Variants in WWOX observed in about 807,000 individuals in gnomAD.
The protein encoded by WWOX is WW domain containing oxidoreductase.
A neutral mutation model predicts 46.2 loss-of-function variants in WWOX; 69 were observed. That is an observed-to-expected ratio of 1.49 (90% CI 1.23 to 1.82). WWOX has a LOEUF of 1.82. Among genes scored for constraint, WWOX ranks in the 40% most tolerant of loss-of-function variants. The probability of loss-of-function intolerance (pLI) is 0.00; values close to 1 mark genes in which losing one functional copy is unlikely to be tolerated. For synonymous variants in WWOX, 359 were observed against 202.6 expected, an observed-to-expected ratio of 1.77 and a Z score of -6.56; for missense variants, 919 against 542.6, an observed-to-expected ratio of 1.69 and a Z score of -6.89.
At chr16:78,901,006 C>T (rs538010403) in intron 8 of WWOX, among the ~76,000 whole-genome samples, 1 of 152,282 alleles carries the variant, frequency 6.6e-6, no homozygotes, top group East Asian at 1.9e-4. Context: ...TTTGAAGTTT[C>T]CAAGAACATG....
intron 5 of WWOX, among the ~76,000 whole-genome samples, chr16:78,372,430 T>C (rs1160250454): frequency 2.0e-5 from 3 of 152,170 alleles, no homozygotes; most frequent in African/African-American, 7.2e-5. Context: ...ATCTCCATTT[T>C]CAAAAGAAAA....
At chr16:78,958,597 C>G (rs1041732754) in intron 8 of WWOX, among the ~76,000 whole-genome samples, 1 of 152,222 alleles carries the variant, frequency 6.6e-6, no homozygotes, top group Non-Finnish European at 1.5e-5. Context: ...AGTGCTGCCC[C>G]TCTCTCCCAC....
chr16:79,056,057 T>C (rs1429109938), intron 8 of WWOX, among the ~76,000 whole-genome samples: 3 of 151,954 alleles, frequency 2.0e-5, no homozygotes. Context: ...AATTACTAAT[T>C]TGAATAGCTT....
chr16:78,865,096 T>C (rs1289560574), intron 8 of WWOX, among the ~76,000 whole-genome samples: 1 of 152,172 alleles, frequency 6.6e-6, no homozygotes, highest in Non-Finnish European at 1.5e-5. Context: ...AGTGCTTTAA[T>C]ATGTTAAACA....
Position 78,739,217 on chromosome 16 carries a change from C to T in WWOX, c.1056+306465C>T, listed in dbSNP as rs560199880. 7.0e-4 allele frequency among the ~76,000 whole-genome samples: 107 copies of T among 152,212 alleles called. 1 individual carries two copies. The highest frequency in any genetic ancestry group is 2.2e-3 in the African/African-American group (93 of 41,548). ...AAGTACCCGGCTAAAATTGTGTTTG[C>T]CGAATGAAAGTGTGATCCTGGAGGC... On this transcript the variant is annotated intron_variant, in intron 8 of 8. Coordinates refer to ENST00000566780, the MANE Select transcript of WWOX (RefSeq NM_016373.4).
chr16:78,134,341 C>T (rs1032462134), intron 4 of WWOX, among the ~76,000 whole-genome samples: 1 of 128,672 alleles, frequency 7.8e-6, no homozygotes, highest in Non-Finnish European at 1.6e-5. Context: ...TTTGCAAAGA[C>T]TATTTTTTTT....
chr16:79,027,046 A>C (rs1162247145), intron 8 of WWOX, among the ~76,000 whole-genome samples: 2 of 151,578 alleles, frequency 1.3e-5, no homozygotes, highest in African/African-American at 4.9e-5. Flanking sequence ...TTGGGAGGTC[A>C]AGGCAGGAGG....
At chr16:78,446,635 C>T (rs527278827) in intron 8 of WWOX, among the ~76,000 whole-genome samples, 19 of 145,702 alleles carry the variant, frequency 1.3e-4, no homozygotes, top group South Asian at 4.4e-4. Context: ...TGGTGAACAT[C>T]GAGTATAGTA....
At chr16:78,583,816 C>A (rs562168131) in intron 8 of WWOX, among the ~76,000 whole-genome samples, 3 of 152,160 alleles carry the variant, frequency 2.0e-5, no homozygotes, top group Admixed American at 1.3e-4. Flanking sequence ...CTGAAAGAGT[C>A]CACTGCAGAT....
rs544025863 is a variant in WWOX at position 78,710,473 on chromosome 16, CATATAT to C, written c.1056+277742_1056+277747del. On this transcript the variant is annotated intron_variant, in intron 8 of 8. Coordinates refer to ENST00000566780, the MANE Select transcript of WWOX (RefSeq NM_016373.4). ...TGATGCAATTAAAGCTAATGGATCT[CATATAT>C]ATATATATATATATATATATTTATA... Among the ~76,000 whole-genome samples the C allele has an allele frequency of 1.0e-3, 64 of 63,620 alleles. 1 individual carries two copies. The highest frequency in any genetic ancestry group is 8.1e-3 in the Middle Eastern group (1 of 124). 41.7% of individuals were successfully genotyped at this position (63,620 alleles called of 152,430 possible).
At chr16:78,186,870 A>G (rs2035724929) in intron 5 of WWOX, among the ~76,000 whole-genome samples, 1 of 152,224 alleles carries the variant, frequency 6.6e-6, no homozygotes, top group Non-Finnish European at 1.5e-5. Flanking sequence ...GGGTACCCTT[A>G]ACCCAGCTTC....
Position 78,976,635 on chromosome 16 carries a change from A to G in WWOX, c.1057-234973A>G, listed in dbSNP as rs994959676. Among the ~76,000 whole-genome samples, 5 of 152,228 alleles carry G rather than the reference A, an allele frequency of 3.3e-5. No homozygotes were observed. The South Asian group carries it at 6.2e-4, about 19-fold the overall frequency. ...AGCCTGAACATCCACACCCGCGAAG[A>G]TAAGACCATCTCTTGGATTAATGTG... On this transcript the variant is annotated intron_variant, in intron 8 of 8. Coordinates refer to ENST00000566780, the MANE Select transcript of WWOX (RefSeq NM_016373.4).
chr16:79,101,870 T>C (rs998830460), intron 8 of WWOX: 6 of 151,134 alleles, frequency 4.0e-5, no homozygotes, highest in Admixed American at 3.3e-4. Context: ...AGTACAGCGT[T>C]TTGGAGAGAG....
intron 8 of WWOX, among the ~76,000 whole-genome samples, chr16:79,175,174 A>G (rs968579892): frequency 1.3e-5 from 2 of 152,184 alleles, no homozygotes; most frequent in African/African-American, 4.8e-5. Flanking sequence ...TAATGGCGCT[A>G]ATTTTTAATA....
At chr16:78,554,058 A>G (rs1283402177) in intron 8 of WWOX, among the ~76,000 whole-genome samples, 1 of 152,138 alleles carries the variant, frequency 6.6e-6, no homozygotes, top group Admixed American at 6.5e-5. Flanking sequence ...TTCCACAGAT[A>G]CTTTGAGTGC....
At chr16:78,579,435 G>C (rs2044991381) in intron 8 of WWOX, among the ~76,000 whole-genome samples, 1 of 152,170 alleles carries the variant, frequency 6.6e-6, no homozygotes, top group Non-Finnish European at 1.5e-5. Flanking sequence ...TACTCAGGCT[G>C]AAGGATCATG....
intron 8 of WWOX, among the ~76,000 whole-genome samples, chr16:78,850,188 A>G (rs2052407110): frequency 6.6e-6 from 1 of 152,096 alleles, no homozygotes; most frequent in South Asian, 2.1e-4. Context: ...AATACCAAAG[A>G]GAAAACAATA....
chr16:78,441,206 G>A (rs1415671291), intron 8 of WWOX, among the ~76,000 whole-genome samples: 1 of 152,198 alleles, frequency 6.6e-6, no homozygotes, highest in Non-Finnish European at 1.5e-5. Context: ...ACAGATGTGA[G>A]CCACTGCACC....
intron 4 of WWOX, among the ~76,000 whole-genome samples, chr16:78,148,579 C>G (rs182925432): frequency 2.0e-5 from 3 of 151,418 alleles, no homozygotes; most frequent in Non-Finnish European, 4.4e-5. Context: ...ATTTTTCTTC[C>G]TAAGGTTCTC....
Sources: gnomAD v4.1 joint callset for allele counts (sites outside exome capture counted in the v4.1 genomes callset) on GRCh38, gnomAD v4.1.1 for gene constraint, MANE v1.5 for transcripts, NCBI Gene and HGNC (gene_info 2026-07-23, HGNC 2026-07-21) for gene names.